ZNF469: variants seen among roughly 807,000 people sequenced by gnomAD.
ZNF469 encodes the protein zinc finger protein 469.
A neutral mutation model predicts 1.0 loss-of-function variants in ZNF469; 1 was observed. The ratio of observed to expected loss-of-function variants is 1.00; its 90% CI spans 0.35 to 4.73. The LOEUF is 4.73. Ranked by LOEUF, ZNF469 falls within the 30% of genes most tolerant of loss-of-function variation. The pLI is 0.16. For missense variants in ZNF469, 6,100 were observed against 5,356.3 expected (o/e 1.14, Z -4.33); for synonymous variants, 2,703 against 2,363.4 (o/e 1.14, Z -4.17).
chr16:88,156,020 T>C, the ZNF469 span, among the ~76,000 whole-genome samples: 2 of 152,242 alleles, frequency 1.3e-5, no homozygotes, highest in African/African-American at 4.8e-5. Context: ...TACCTTTCCA[T>C]GTGCTTGCTG....
chr16:88,128,014 G>C, the ZNF469 span, among the ~76,000 whole-genome samples: 1 of 152,242 alleles, frequency 6.6e-6, no homozygotes, highest in Non-Finnish European at 1.5e-5. Context: ...TGTAGGCCAA[G>C]GGTTCTGCAC....
At chr16:88,206,181 C>T in the ZNF469 span, among the ~76,000 whole-genome samples, 2 of 152,198 alleles carry the variant, frequency 1.3e-5, no homozygotes, top group African/African-American at 4.8e-5. Context: ...AGGAGTCCAG[C>T]CGGGATAGGA....
At chr16:88,183,911 G>C in the ZNF469 span, among the ~76,000 whole-genome samples, 2,652 of 152,186 alleles carry the variant, frequency 0.017, 68 homozygotes, top group South Asian at 0.12. Context: ...GGGCTTGGGG[G>C]AGGGAGGTCC....
the ZNF469 span, among the ~76,000 whole-genome samples, chr16:88,304,946 TC>T: frequency 1.3e-4 from 20 of 152,080 alleles, no homozygotes; most frequent in African/African-American, 4.8e-4. Context: ...AATCCTGGGC[TC>T]TTAAAGCCAC....
At chr16:88,135,364 G>C in the ZNF469 span, among the ~76,000 whole-genome samples, 1 of 152,242 alleles carries the variant, frequency 6.6e-6, no homozygotes, top group Non-Finnish European at 1.5e-5. Flanking sequence ...CATCTGTTGG[G>C]GAGAATTTGG....
chr16:88,280,755 CTG>C, the ZNF469 span, among the ~76,000 whole-genome samples: 1 of 151,352 alleles, frequency 6.6e-6, no homozygotes, highest in Non-Finnish European at 1.5e-5. Flanking sequence ...CGTGTTGGTG[CTG>C]TGTCACCCTG....
the ZNF469 span, among the ~76,000 whole-genome samples, chr16:88,206,305 C>G: frequency 2.0e-5 from 3 of 152,220 alleles, no homozygotes; most frequent in Admixed American, 1.3e-4. Flanking sequence ...TCAGGGCCCA[C>G]TGGCTGGACA....
the ZNF469 span, among the ~76,000 whole-genome samples, chr16:88,341,682 TG>T: frequency 6.6e-6 from 1 of 152,304 alleles, no homozygotes; most frequent in African/African-American, 2.4e-5. Flanking sequence ...TTTTGCCATC[TG>T]CGGGGGCATG....
chr16:88,411,489 CG>C (rs1905163178), intron 1 of ZNF469, among the ~76,000 whole-genome samples: 7 of 6,398 alleles, frequency 1.1e-3, no homozygotes, highest in Admixed American at 2.6e-3. Flanking sequence ...GGCAGGGGTG[CG>C]AGCGGGCAGG....
chr16:88,282,393 T>C, the ZNF469 span, among the ~76,000 whole-genome samples: 1 of 152,028 alleles, frequency 6.6e-6, no homozygotes, highest in South Asian at 2.1e-4. Flanking sequence ...GGGACCTGGG[T>C]GTGTCTGGGT....
rs1387401236 is a variant in ZNF469 at position 88,437,582 on chromosome 16, C to T, written c.10112C>T (p.Pro3371Leu). 3.3e-6 allele frequency: 5 copies of T among 1,534,196 alleles called. No homozygotes were observed. The Admixed American group carries it at 7.9e-5, about 24-fold the overall frequency. ...PQRVYLCPRC[P>L]RVYPEHGELL... ...CGCGTCTACCTGTGCCCCCGGTGCC[C>T]CCGGGTCTACCCCGAGCACGGGGAG... The change falls in exon 3 of 3, where the codon CCC becomes CTC. Residue 3371 changes from proline to leucine, a missense_variant. Pro to Leu is a moderately conservative substitution (Grantham distance 98). Transcript: ENST00000565624.
chr16:88,180,471 A>G, the ZNF469 span, among the ~76,000 whole-genome samples: 2 of 152,178 alleles, frequency 1.3e-5, no homozygotes, highest in East Asian at 1.9e-4. Flanking sequence ...ACATTATATG[A>G]TCCTGAAAGT....
chr16:88,262,332 G>A, the ZNF469 span, among the ~76,000 whole-genome samples: 1 of 152,250 alleles, frequency 6.6e-6, no homozygotes, highest in Non-Finnish European at 1.5e-5. The surrounding 1 kb of genome is among the most constrained non-coding windows in gnomAD (Gnocchi z 4.3). Flanking sequence ...CAGCCTGGCT[G>A]CTCAAAGAGC....
At chr16:88,188,504 A>T in the ZNF469 span, among the ~76,000 whole-genome samples, 22 of 152,142 alleles carry the variant, frequency 1.4e-4, no homozygotes, top group African/African-American at 5.3e-4. Flanking sequence ...CAGCTCCTGG[A>T]TGGGCTGTTG....
the ZNF469 span, among the ~76,000 whole-genome samples, chr16:88,245,068 G>C: frequency 6.6e-6 from 1 of 152,064 alleles, no homozygotes; most frequent in African/African-American, 2.4e-5. Context: ...AAGGAATTTT[G>C]TTTCCGAGGG....
chr16:88,311,248 G>A, the ZNF469 span, among the ~76,000 whole-genome samples: 8 of 152,194 alleles, frequency 5.3e-5, no homozygotes, highest in Admixed American at 2.0e-4. Flanking sequence ...AGGATGCATC[G>A]CAGGGGACAT....
chr16:88,122,206 G>T, the ZNF469 span, among the ~76,000 whole-genome samples: 1 of 148,358 alleles, frequency 6.7e-6, no homozygotes, highest in South Asian at 2.1e-4. Flanking sequence ...ACTCAATAGG[G>T]CCACGGCAGC....
At chr16:88,282,740 G>T in the ZNF469 span, among the ~76,000 whole-genome samples, 5 of 152,212 alleles carry the variant, frequency 3.3e-5, no homozygotes, top group African/African-American at 1.2e-4. Flanking sequence ...CGTCTCACCC[G>T]TAAAGGGTCA....
At chr16:88,147,705 G>T in the ZNF469 span, among the ~76,000 whole-genome samples, 2 of 152,048 alleles carry the variant, frequency 1.3e-5, no homozygotes, top group Admixed American at 1.3e-4. Context: ...TCAACCCTGG[G>T]GCATTCCAAC....
Sources: allele counts gnomAD v4.1 joint callset (sites outside exome capture counted in the v4.1 genomes callset), GRCh38; gene constraint gnomAD v4.1.1; non-coding constraint Gnocchi (gnomAD v3.1); transcripts MANE v1.5; gene names NCBI Gene and HGNC (gene_info 2026-07-23, HGNC 2026-07-21).